COL28A1: variants seen among roughly 807,000 people sequenced by gnomAD.
COL28A1 encodes collagen type XXVIII alpha 1 chain, also known as collagen alpha-1(XXVIII) chain.
A neutral mutation model predicts 150.2 loss-of-function variants in COL28A1; 161 were observed. That is an observed-to-expected ratio of 1.07 (90% CI 0.94 to 1.22). The LOEUF is 1.22. Ranked by LOEUF, COL28A1 falls within the 50% of genes most tolerant of loss-of-function variation. COL28A1 has a pLI of 0.00. For synonymous variants in COL28A1, 552 were observed against 469.7 expected (o/e 1.18, Z -2.26); for missense variants, 1,617 against 1,388.3 (o/e 1.16, Z -2.62).
intron 15 of COL28A1, among the ~76,000 whole-genome samples, chr7:7,459,183 T>C (rs561569799): frequency 2.2e-4 from 34 of 152,336 alleles, no homozygotes; most frequent in African/African-American, 7.9e-4. Flanking sequence ...ATGCACCATG[T>C]CCCAACACCA....
chr7:7,532,833 C>T lies in COL28A1; in HGVS notation c.43G>A (p.Ala15Thr). 3 of 1,611,592 alleles carry T rather than the reference C, an allele frequency of 1.9e-6. No homozygotes were observed. The South Asian group carries it at 3.3e-5, about 18-fold the overall frequency. Residue 15 changes from alanine to threonine, a missense_variant, in exon 2 of 35, where the codon GCG becomes ACG. Physicochemically the swap from Ala to Thr is moderately conservative, Grantham distance 58. Coordinates refer to ENST00000399429, the MANE Select transcript of COL28A1 (RefSeq NM_001037763.3). Reference protein sequence around the residue: ...YFVFYLLLLSAFTSQTVSGQR... With the variant: ...YFVFYLLLLSTFTSQTVSGQR... ...CCGGATACTGTTTGACTCGTAAACG[C>T]TGACAAAAGCAGGAGATAGAAGACA...
the COL28A1 span, among the ~76,000 whole-genome samples, chr7:7,347,669 C>T: frequency 6.6e-6 from 1 of 152,034 alleles, no homozygotes; most frequent in African/African-American, 2.4e-5. Flanking sequence ...AAGACTTTAT[C>T]AAAGATATTT....
Position 7,453,485 on chromosome 7 carries a change from T to C in COL28A1, c.1395A>G (p.Pro465=), listed in dbSNP as rs375706892. The change falls in exon 17 of 35, where the codon CCA becomes CCG. Residue 465 remains proline (P), a synonymous_variant. Transcript: ENST00000399429. ...GTCCTGCGGGCCCTTGTGGACCAGG[T>C]GGACCAATAGGACCTTGGATTCCCT... is the stretch of plus-strand genomic sequence containing the variant. ...GEQGIQGPIG[P]PGPQGPAGQG... 15 of 1,241,428 alleles carry C rather than the reference T, an allele frequency of 1.2e-5. No individual in the cohort carries two copies. The African/African-American group carries it at 2.1e-4, about 17-fold the overall frequency. The allele number at this position is 1,241,428 out of a possible 1,614,324, so 76.9% of individuals were successfully genotyped here.
At chr7:7,495,541 C>A (rs976610269) in intron 11 of COL28A1, among the ~76,000 whole-genome samples, 23 of 152,134 alleles carry the variant, frequency 1.5e-4, no homozygotes, top group Admixed American at 4.6e-4. Flanking sequence ...ATCTTCCAGC[C>A]CTTCCCACCT....
chr7:7,453,557 C>T, intron 16 of COL28A1, 49 bp from the exon 17 acceptor site: 2 of 839,816 alleles, frequency 2.4e-6, no homozygotes, highest in South Asian at 1.4e-5. Context: ...GAAGTAGTTT[C>T]AAATCCTCTA....
chr7:7,463,353 T>G (rs1442018554), intron 15 of COL28A1, among the ~76,000 whole-genome samples: 1 of 152,214 alleles, frequency 6.6e-6, no homozygotes, highest in Non-Finnish European at 1.5e-5. Context: ...ATGGAACTTT[T>G]AAGTTTTATA....
intron 18 of COL28A1, among the ~76,000 whole-genome samples, chr7:7,451,741 CTG>C (rs1242531366): frequency 6.6e-6 from 1 of 152,066 alleles, no homozygotes; most frequent in Non-Finnish European, 1.5e-5. Flanking sequence ...ACTTAGTATA[CTG>C]TGTAGCACAT....
Position 7,451,210 on chromosome 7 carries a change from G to T in COL28A1, c.1509+1109C>A, listed in dbSNP as rs530364031. On this transcript the variant is annotated intron_variant, in intron 18 of 34. Transcript: ENST00000399429. ...TGCTCTTTGTATTATTCTCTGTATG[G>T]TGAGTATATTTGAAATACTTCTTTT... 1.5e-3 allele frequency among the ~76,000 whole-genome samples: 232 copies of T among 152,014 alleles called. 1 individual carries two copies. Among genetic ancestry groups the T allele is most frequent in the African/African-American group, 5.4e-3 (225 of 41,482 alleles).
chr7:7,512,256 T>A (rs1463767650), intron 8 of COL28A1, among the ~76,000 whole-genome samples: 1 of 152,118 alleles, frequency 6.6e-6, no homozygotes, highest in Non-Finnish European at 1.5e-5. Flanking sequence ...CAAAACTAGT[T>A]AGATAGGAGC....
At chr7:7,478,514 A>C (rs925361829) in intron 13 of COL28A1, among the ~76,000 whole-genome samples, 1 of 152,236 alleles carries the variant, frequency 6.6e-6, no homozygotes, top group African/African-American at 2.4e-5. Flanking sequence ...TCGCAGGTGG[A>C]GCTGCCTGCC....
the COL28A1 span, among the ~76,000 whole-genome samples, chr7:7,543,313 CATTT>C: frequency 1.3e-5 from 2 of 152,188 alleles, no homozygotes; most frequent in Admixed American, 1.3e-4. Flanking sequence ...ATTGAAACTT[CATTT>C]GTTTGTCAAT....
At chr7:7,515,758 T>C (rs1016714420) in intron 8 of COL28A1, 56 bp downstream of exon 8, 2 of 832,468 alleles carry the variant, frequency 2.4e-6, no homozygotes, top group Admixed American at 1.8e-5. Flanking sequence ...AGTACACTTA[T>C]GTTTCTGTTT....
At chr7:7,431,639 T>A (rs747843699) in intron 25 of COL28A1, 14 of 470,886 alleles carry the variant, frequency 3.0e-5, no homozygotes, top group African/African-American at 2.4e-4. Context: ...ATGGGAAGTG[T>A]TCAAAGTCTG....
chr7:7,515,919 A>G (rs1039492632), intron 7 of COL28A1, 79 bp from the exon 8 acceptor site: 5 of 761,048 alleles, frequency 6.6e-6, no homozygotes, highest in African/African-American at 5.3e-5. Context: ...TTTTTCAATT[A>G]CAAGGTATAA....
chr7:7,417,600 CAA>C lies in COL28A1; in HGVS notation c.2136+257_2136+258del, dbSNP rs201108940. The C allele has an allele frequency of 4.6e-3, 1,737 of 376,670 alleles. 45 individuals are homozygous for C. The highest frequency in any genetic ancestry group is 0.038 in the African/African-American group (1,631 of 43,328). 23.3% of individuals were successfully genotyped at this position (376,670 alleles called of 1,614,324 possible). A position where few individuals can be genotyped will look rare whatever the true frequency, so the allele number is the denominator to read the frequency against. ...GAGTATAAATTCTCCATTCAATTCA[CAA>C]AGAGGGGAAAGCAACAAACCATAGA... On this transcript the variant is annotated intron_variant, in intron 27 of 34. Transcript: ENST00000399429.
chr7:7,533,840 G>A (rs990048888), intron 1 of COL28A1, among the ~76,000 whole-genome samples: 44 of 152,238 alleles, frequency 2.9e-4, no homozygotes, highest in African/African-American at 1.0e-3. Context: ...GAATGGGAAC[G>A]AGAAAGCTTA....
At chr7:7,345,685 T>C in the COL28A1 span, among the ~76,000 whole-genome samples, 261 of 152,228 alleles carry the variant, frequency 1.7e-3, 1 homozygote, top group Admixed American at 5.8e-3. Flanking sequence ...CCAGTCTCCA[T>C]TGTTTTTTTA....
Position 7,375,504 on chromosome 7 carries a change from G to A in COL28A1, c.2323-7C>T, listed in dbSNP as rs750574415. 4 of 1,519,946 alleles carry A rather than the reference G, an allele frequency of 2.6e-6. No individual in the cohort carries two copies. In the Middle Eastern group the frequency reaches 5.2e-4, roughly 197 times the overall value. 94.2% of individuals were successfully genotyped at this position (1,519,946 alleles called of 1,614,324 possible). A position where few individuals can be genotyped will look rare whatever the true frequency, so the allele number is the denominator to read the frequency against. ...GTTTGATAATTTCTTCTTTCTAGGG[G>A]ATAAAAAGAAAAATGTATTACTATA... On this transcript the variant is annotated splice_polypyrimidine_tract_variant and splice_region_variant and intron_variant, in intron 30 of 34. Transcript: ENST00000399429.
At chr7:7,438,707 G>A (rs2128318501) in intron 21 of COL28A1, among the ~76,000 whole-genome samples, 1 of 152,172 alleles carries the variant, frequency 6.6e-6, no homozygotes, top group African/African-American at 2.4e-5. Context: ...CTTATAAACA[G>A]AAATTACAAT....
Sources: gnomAD v4.1 joint callset for allele counts (sites outside exome capture counted in the v4.1 genomes callset) on GRCh38, gnomAD v4.1.1 for gene constraint, MANE v1.5 for transcripts, NCBI Gene and HGNC (gene_info 2026-07-23, HGNC 2026-07-21) for gene names.